ICA1L: variants seen among roughly 807,000 people sequenced by gnomAD.
ICA1L encodes the protein islet cell autoantigen 1 like.
Under a neutral mutation model 61.3 loss-of-function variants are expected in ICA1L, and 50 were observed. The ratio of observed to expected loss-of-function variants is 0.82; its 90% confidence interval spans 0.65 to 1.03. The LOEUF is 1.03. ICA1L is among the 50% of genes least tolerant of loss of function. The probability of loss-of-function intolerance (pLI) is 0.00; values close to 1 mark genes in which losing one functional copy is unlikely to be tolerated. For synonymous variants in ICA1L, 161 were observed against 191.3 expected (o/e 0.84, Z 1.31); for missense variants, 508 against 556.7 (o/e 0.91, Z 0.88).
At chr2:202,809,000 G>A (rs1047868103) in intron 9 of ICA1L, among the ~76,000 whole-genome samples, 3 of 151,994 alleles carry the variant, frequency 2.0e-5, no homozygotes, top group African/African-American at 7.2e-5. Context: ...ACATCCACAA[G>A]CATCAAGACC....
At chr2:202,862,935 C>G (rs1313347561) in intron 1 of ICA1L, among the ~76,000 whole-genome samples, 1 of 151,310 alleles carries the variant, frequency 6.6e-6, no homozygotes, top group Non-Finnish European at 1.5e-5. Flanking sequence ...AAAAACATAC[C>G]CACAGTTGTG....
rs974288146 is a variant in ICA1L, at chr2:202,811,155, C to T, written c.910+591G>A. ...CACTAATAAAAACTTGCTGGTTTTG[C>T]GGCTTGTGGGGCATCACGGAAGCTG... On this transcript the variant is annotated intron_variant, in intron 9 of 12. Transcript: ENST00000358299. 4.6e-5 allele frequency among the ~76,000 whole-genome samples: 7 copies of T among 152,090 alleles called. No homozygotes were observed. The South Asian group carries it at 6.2e-4, about 14-fold the overall frequency.
intron 9 of ICA1L, among the ~76,000 whole-genome samples, chr2:202,807,623 A>G (rs1184615323): frequency 6.6e-6 from 1 of 152,108 alleles, no homozygotes; most frequent in Non-Finnish European, 1.5e-5. Context: ...TGACCTAGTG[A>G]GATACCAGCC....
At chr2:202,851,187 G>GAA (rs1694609010) in intron 1 of ICA1L, among the ~76,000 whole-genome samples, 1 of 144,464 alleles carries the variant, frequency 6.9e-6, no homozygotes, top group Admixed American at 7.0e-5. Flanking sequence ...ACAGGCCCCA[G>GAA]TGTGTAATGT....
intron 9 of ICA1L, 48 bp from the exon 10 acceptor site, chr2:202,797,012 C>T (rs1393709016): frequency 7.7e-7 from 1 of 1,300,140 alleles, no homozygotes; most frequent in Non-Finnish European, 1.1e-6. Context: ...AGAAATTCAG[C>T]AAGCTTATTT....
At chr2:202,823,587 GTTCCTTTATCCTCCCATTAGT>G (rs912434686) in intron 3 of ICA1L, among the ~76,000 whole-genome samples, 40 of 152,220 alleles carry the variant, frequency 2.6e-4, no homozygotes, top group African/African-American at 9.1e-4. Context: ...AATTTCCTTT[GTTCCTTTATCCTCCCATTAGT>G]TTCAATGACA....
In ICA1L at chr2:202,773,927, CAGAA is replaced by C. The variant is rs1281451225; in HGVS notation, c.*5602_*5605del. ...TAAGAACAGTCAACGTAGAAAGAGA[CAGAA>C]AGATTCTTCTCTTCCGCTTATTACT... On this transcript the variant is annotated 3_prime_UTR_variant, in exon 13 of 13. Transcript: ENST00000358299. 1.3e-5 allele frequency: 15 copies of C among 1,190,770 alleles called. No homozygotes were observed. Among genetic ancestry groups the C allele is most frequent in the Admixed American group, 1.8e-5 (1 of 54,394 alleles). The allele number at this position is 1,190,770 out of a possible 1,614,324, so 73.8% of individuals were successfully genotyped here.
intron 12 of ICA1L, among the ~76,000 whole-genome samples, chr2:202,780,020 C>A (rs1355565658): frequency 6.6e-6 from 1 of 152,036 alleles, no homozygotes; most frequent in Non-Finnish European, 1.5e-5. Flanking sequence ...TTGTATGCTG[C>A]TCTGAGAAAG....
chr2:202,821,607 A>C, intron 3 of ICA1L, 126 bp from the exon 4 acceptor site: 1 of 651,860 alleles, frequency 1.5e-6, no homozygotes, highest in Non-Finnish European at 2.4e-6. Flanking sequence ...AAGAAGAGAG[A>C]CTTATTTTTT....
At chr2:202,836,303 T>TA (rs1694146841) in intron 1 of ICA1L, among the ~76,000 whole-genome samples, 1 of 152,204 alleles carries the variant, frequency 6.6e-6, no homozygotes, top group African/African-American at 2.4e-5. Context: ...ATTCTGTAAA[T>TA]ATGGTGTATC....
chr2:202,821,567 ACT>A, intron 3 of ICA1L, 86 bp from the exon 4 acceptor site: 1 of 953,682 alleles, frequency 1.0e-6, no homozygotes, highest in Non-Finnish European at 1.5e-6. Flanking sequence ...CACAGCAATA[ACT>A]CTCTATACAA....
chr2:202,842,954 G>T (rs1446296762), intron 1 of ICA1L, among the ~76,000 whole-genome samples: 3 of 151,892 alleles, frequency 2.0e-5, no homozygotes, highest in Non-Finnish European at 2.9e-5. Flanking sequence ...TTCATTAATT[G>T]TATTTTTCAG....
chr2:202,820,195 G>A (rs573970843), intron 4 of ICA1L, among the ~76,000 whole-genome samples: 98 of 152,196 alleles, frequency 6.4e-4, no homozygotes, highest in African/African-American at 2.2e-3. Context: ...CCAACACGGC[G>A]AAACCCTGTC....
rs1411170440 is a variant in ICA1L at position 202,778,916 on chromosome 2, A to G, written c.*617T>C. 1 of 152,660 alleles carries G rather than the reference A, an allele frequency of 6.6e-6. No individual in the cohort carries two copies. The highest frequency in any genetic ancestry group is 6.5e-5 in the Admixed American group (1 of 15,284). 9.5% of individuals were successfully genotyped at this position (152,660 alleles called of 1,614,324 possible). A position where few individuals can be genotyped will look rare whatever the true frequency, so the allele number is the denominator to read the frequency against. ...GAGTGTCCATTATTTTGTATGAATGAAAAAACATTACATTTTAGCCTCCAA... is the reference window on the plus strand; with the variant it reads ...GAGTGTCCATTATTTTGTATGAATGGAAAAACATTACATTTTAGCCTCCAA... On this transcript the variant is annotated 3_prime_UTR_variant, in exon 13 of 13. Transcript: ENST00000358299.
intron 12 of ICA1L, 151 bp from the exon 13 acceptor site, chr2:202,779,799 A>ATT (rs369496549): frequency 4.5e-4 from 196 of 435,684 alleles, no homozygotes; most frequent in East Asian, 6.5e-4. Context: ...TCCCTTTAAG[A>ATT]TTTTTTTTTT....
At chr2:202,852,453 A>G (rs1025530156) in intron 1 of ICA1L, among the ~76,000 whole-genome samples, 8 of 151,692 alleles carry the variant, frequency 5.3e-5, no homozygotes, top group African/African-American at 9.7e-5. Flanking sequence ...GGCGGATCAC[A>G]AGGTCAGGAG....
intron 1 of ICA1L, chr2:202,841,745 A>G (rs1212093688): frequency 4.1e-6 from 2 of 484,718 alleles, no homozygotes; most frequent in Admixed American, 2.4e-5. Context: ...CCTCTGGTGG[A>G]CACCTTGTAG....
At chr2:202,826,515 A>G (rs1164013139) in intron 2 of ICA1L, among the ~76,000 whole-genome samples, 1 of 152,196 alleles carries the variant, frequency 6.6e-6, no homozygotes, top group African/African-American at 2.4e-5. Context: ...TCTGTCACCC[A>G]GGCTGGAGTG....
intron 1 of ICA1L, among the ~76,000 whole-genome samples, chr2:202,865,161 T>C (rs1219964448): frequency 1.3e-5 from 2 of 149,482 alleles, no homozygotes; most frequent in Non-Finnish European, 3.0e-5. Flanking sequence ...AGACTCTGTC[T>C]TTTAAAAAAA....
Sources: gnomAD v4.1 joint callset for allele counts (sites outside exome capture counted in the v4.1 genomes callset) on GRCh38, gnomAD v4.1.1 for gene constraint, MANE v1.5 for transcripts, NCBI Gene and HGNC (gene_info 2026-07-23, HGNC 2026-07-21) for gene names.